ZBTB41: variants seen among roughly 807,000 people sequenced by gnomAD.
The protein encoded by ZBTB41 is zinc finger and BTB domain containing 41, also known as zinc finger and BTB domain-containing protein 41.
ZBTB41 carries 42 observed loss-of-function variants against 87.6 expected under a neutral mutation model. That is an observed-to-expected ratio of 0.48 (90% CI 0.37 to 0.62). The LOEUF (loss-of-function observed/expected upper bound fraction) is 0.62. ZBTB41 is among the 20% of genes least tolerant of loss of function. The pLI, the probability that ZBTB41 is intolerant of heterozygous loss-of-function variation, is 0.00. For synonymous variants in ZBTB41, 364 were observed against 364.0 expected (o/e 1.00, Z 0.00); for missense variants, 799 against 1,078.9 (o/e 0.74, Z 3.63).
intron 6 of ZBTB41, among the ~76,000 whole-genome samples, chr1:197,179,885 CAA>C (rs1447094610): frequency 1.3e-5 from 2 of 151,906 alleles, no homozygotes; most frequent in African/African-American, 2.4e-5. Flanking sequence ...TTGAAAAAAT[CAA>C]AAGTTTATAA....
intron 6 of ZBTB41, 55 bp from the exon 7 acceptor site, chr1:197,178,567 G>T (rs1380864086): frequency 7.8e-7 from 1 of 1,282,048 alleles, no homozygotes; most frequent in Non-Finnish European, 1.1e-6. Context: ...ATAGTAAATA[G>T]ATTTCTGGAA....
At position 197,156,159 on chromosome 1, in the gene ZBTB41, T is replaced by A. The variant is rs1659060644; in HGVS notation, c.*3200A>T. On this transcript the variant is annotated 3_prime_UTR_variant, in exon 11 of 11. Coordinates refer to ENST00000367405, the MANE Select transcript of ZBTB41 (RefSeq NM_194314.3). The stretch of plus-strand genomic sequence containing the variant: ...GAGTATTTTCTTTTGCTCCTATTTT[T>A]ATACATATAAACACAATAATCAATC... 6.6e-6 allele frequency: 1 copy of A among 152,188 alleles called. No homozygotes were observed. Among genetic ancestry groups the A allele is most frequent in the South Asian group, 2.1e-4 (1 of 4,826 alleles). 9.4% of individuals were successfully genotyped at this position (152,188 alleles called of 1,614,324 possible). A position where few individuals can be genotyped will look rare whatever the true frequency, so the allele number is the denominator to read the frequency against.
chr1:197,186,754 C>G (rs1192194189), intron 5 of ZBTB41, among the ~76,000 whole-genome samples: 3 of 152,100 alleles, frequency 2.0e-5, no homozygotes, highest in Admixed American at 2.0e-4. Flanking sequence ...ATCCCAGCTA[C>G]TCTGGAGGCT....
At chr1:197,164,871 T>C (rs1479509413) in intron 10 of ZBTB41, among the ~76,000 whole-genome samples, 13 of 114,388 alleles carry the variant, frequency 1.1e-4, no homozygotes, top group Non-Finnish European at 2.0e-4. Flanking sequence ...ATATCTAATA[T>C]ATTATATATA....
rs1659035807 is a variant in ZBTB41 at position 197,155,187 on chromosome 1, A to G, written c.*4172T>C. 1 of 152,380 alleles carries G rather than the reference A, an allele frequency of 6.6e-6. No individual in the cohort carries two copies. The highest frequency in any genetic ancestry group is 6.6e-5 in the Admixed American group (1 of 15,240). 9.4% of individuals were successfully genotyped at this position (152,380 alleles called of 1,614,324 possible). A position where few individuals can be genotyped will look rare whatever the true frequency, so the allele number is the denominator to read the frequency against. ...CTAATAAGCATATAGAGACAGGCCC[A>G]AGAGTGGCTTCACAGTAACTATAAA... On this transcript the variant is annotated 3_prime_UTR_variant, in exon 11 of 11. Coordinates refer to ENST00000367405, the MANE Select transcript of ZBTB41 (RefSeq NM_194314.3).
At position 197,200,158 on chromosome 1, in the gene ZBTB41, C is replaced by T; in HGVS notation, c.316G>A (p.Val106Ile). The T allele has an allele frequency of 3.1e-6, 5 of 1,613,930 alleles. No individual in the cohort carries two copies. The highest frequency in any genetic ancestry group is 1.6e-4 in the Middle Eastern group (1 of 6,062). ...GKEFSAHKVVVAVGSSYFHAC... is the reference protein window; with the variant it reads ...GKEFSAHKVVIAVGSSYFHAC... Reference sequence around the variant, plus strand: ...TGAAAATAACTACTGCCGACAGCAACGACTACTTTATGTGCACTAAATTCT... The same window carrying T: ...TGAAAATAACTACTGCCGACAGCAATGACTACTTTATGTGCACTAAATTCT... Residue 106 changes from valine (V) to isoleucine (I), a missense_variant, in exon 2 of 11, where the codon GTT becomes ATT. Transcript: ENST00000367405.
intron 2 of ZBTB41, among the ~76,000 whole-genome samples, chr1:197,195,730 C>A (rs954522813): frequency 4.6e-5 from 7 of 152,090 alleles, no homozygotes; most frequent in African/African-American, 1.7e-4. Flanking sequence ...CCCCATCTGT[C>A]ATCTCCCTAT....
At chr1:197,183,831 T>C (rs573771380) in intron 5 of ZBTB41, among the ~76,000 whole-genome samples, 3 of 152,334 alleles carry the variant, frequency 2.0e-5, no homozygotes, top group East Asian at 1.9e-4. Flanking sequence ...TGCAGCATGA[T>C]AGAAGAATCT....
At position 197,155,273 on chromosome 1, in the gene ZBTB41, A is replaced by G. The variant is rs1659037316; in HGVS notation, c.*4086T>C. 6.6e-6 allele frequency: 1 copy of G among 152,124 alleles called. No homozygotes were observed. The highest frequency in any genetic ancestry group is 2.4e-5 in the African/African-American group (1 of 41,346). 9.4% of individuals were successfully genotyped at this position (152,124 alleles called of 1,614,324 possible). Reference sequence around the variant, plus strand: ...CATAAAAACAAATATTCACACTAACACTTAGTGCCAATTTGCCTATATAAA... The same window carrying G: ...CATAAAAACAAATATTCACACTAACGCTTAGTGCCAATTTGCCTATATAAA... On this transcript the variant is annotated 3_prime_UTR_variant, in exon 11 of 11. Coordinates refer to ENST00000367405, the MANE Select transcript of ZBTB41 (RefSeq NM_194314.3).
chr1:197,178,865 TC>T (rs1213698159), intron 6 of ZBTB41, among the ~76,000 whole-genome samples: 2 of 152,174 alleles, frequency 1.3e-5, no homozygotes, highest in African/African-American at 4.8e-5. Flanking sequence ...ATTTAAGTAA[TC>T]CAGTTTATCA....
intron 2 of ZBTB41, among the ~76,000 whole-genome samples, chr1:197,195,321 T>C (rs1660136994): frequency 6.6e-6 from 1 of 152,200 alleles, no homozygotes; most frequent in Non-Finnish European, 1.5e-5. Flanking sequence ...TATTTTCACA[T>C]GAACAAATTT....
Position 197,159,801 on chromosome 1 carries a change from A to C in ZBTB41, c.2288T>G (p.Leu763Arg). Reference sequence around the variant, plus strand: ...TGAGTACTCAACTGGCAAGGATACAAGTTTTTCCTCAGAAGTACTGAGAGG... The same window carrying C: ...TGAGTACTCAACTGGCAAGGATACACGTTTTTCCTCAGAAGTACTGAGAGG... ...DDPLSTSEEK[L>R]VSLPVEYSSD... The change falls in exon 11 of 11, where the codon CTT (leucine) becomes CGT (arginine). Residue 763 changes from leucine (L) to arginine (R), a missense_variant. This residue lies in a region of ZBTB41 where 171 missense variants were observed against 191.9 expected (regional missense o/e 0.89). Coordinates refer to ENST00000367405, the MANE Select transcript of ZBTB41 (RefSeq NM_194314.3). The C allele has an allele frequency of 6.2e-7, 1 of 1,614,002 alleles. No individual in the cohort carries two copies. The highest frequency in any genetic ancestry group is 1.1e-5 in the South Asian group (1 of 91,082).
intron 2 of ZBTB41, among the ~76,000 whole-genome samples, chr1:197,196,624 A>AT (rs1454972453): frequency 2.0e-5 from 3 of 152,178 alleles, no homozygotes; most frequent in Non-Finnish European, 4.4e-5. Flanking sequence ...AACAGTCCCT[A>AT]TCACCTACTG....
chr1:197,167,228 C>T (rs1659368648), intron 10 of ZBTB41, among the ~76,000 whole-genome samples: 1 of 152,180 alleles, frequency 6.6e-6, no homozygotes. Flanking sequence ...CAAGTTCTCA[C>T]TCCATCACCC....
chr1:197,174,974 A>T, intron 9 of ZBTB41, 36 bp downstream of exon 9: 1 of 1,536,634 alleles, frequency 6.5e-7, no homozygotes, highest in Non-Finnish European at 8.9e-7. Flanking sequence ...AGACTTAGCC[A>T]ATGTAAACTA....
At chr1:197,165,530 A>G (rs143945576) in intron 10 of ZBTB41, among the ~76,000 whole-genome samples, 2,078 of 151,296 alleles carry the variant, frequency 0.014, 43 homozygotes, top group African/African-American at 0.049. Context: ...GAATGGCGTC[A>G]ACCCGGGAGG....
chr1:197,194,698 T>A (rs1017497712), intron 2 of ZBTB41, among the ~76,000 whole-genome samples: 4 of 151,694 alleles, frequency 2.6e-5, no homozygotes, highest in African/African-American at 9.7e-5. Flanking sequence ...ATCTCATGAT[T>A]TTTTTAAAAA....
chr1:197,194,052 G>A (rs1194118684), intron 2 of ZBTB41, among the ~76,000 whole-genome samples: 2 of 151,182 alleles, frequency 1.3e-5, no homozygotes, highest in Non-Finnish European at 2.9e-5. Context: ...ACGGAGTTTT[G>A]CTCTTGTCCA....
chr1:197,165,915 T>C (rs1245087428), intron 10 of ZBTB41, among the ~76,000 whole-genome samples: 1 of 152,126 alleles, frequency 6.6e-6, no homozygotes, highest in Non-Finnish European at 1.5e-5. Context: ...TCACTGGGAC[T>C]GGCTAGACAG....
Sources: gnomAD v4.1 joint callset for allele counts (sites outside exome capture counted in the v4.1 genomes callset) on GRCh38, gnomAD v4.1.1 for gene constraint, gnomAD v4.1.1 regional missense constraint, MANE v1.5 for transcripts, NCBI Gene and HGNC (gene_info 2026-07-23, HGNC 2026-07-21) for gene names.